KCNIP4: variants seen among roughly 807,000 people sequenced by gnomAD.
KCNIP4 encodes the protein Kv channel-interacting protein 4.
In KCNIP4, 12 loss-of-function variants were observed where a neutral mutation model predicts 34.0. The ratio of observed to expected loss-of-function variants is 0.35; its 90% CI spans 0.23 to 0.57. KCNIP4 has a LOEUF of 0.57. Ranked by LOEUF, KCNIP4 falls within the 20% of genes least tolerant of loss-of-function variation. The pLI is 0.83. For synonymous variants in KCNIP4, 124 were observed against 102.2 expected (o/e 1.21, Z -1.29); for missense variants, 238 against 311.7 (o/e 0.76, Z 1.78).
At chr4:21,380,600 A>G (rs1033529218) in intron 1 of KCNIP4, among the ~76,000 whole-genome samples, 2 of 152,170 alleles carry the variant, frequency 1.3e-5, no homozygotes, top group African/African-American at 4.8e-5. Context: ...GAATAAATCA[A>G]TGAAATGCTG....
chr4:21,910,321 C>T (rs1728232883), intron 1 of KCNIP4, among the ~76,000 whole-genome samples: 1 of 152,058 alleles, frequency 6.6e-6, no homozygotes, highest in Non-Finnish European at 1.5e-5. Context: ...AAATTTAAAA[C>T]ATTTTTCAAG....
At chr4:21,675,967 T>A (rs1252665383) in intron 1 of KCNIP4, among the ~76,000 whole-genome samples, 1 of 152,124 alleles carries the variant, frequency 6.6e-6, no homozygotes, top group Non-Finnish European at 1.5e-5. Context: ...AAGAACAGGG[T>A]CCTAGCTTGA....
At chr4:21,763,151 C>T in intron 1 of KCNIP4, 3 of 1,235,206 alleles carry the variant, frequency 2.4e-6, no homozygotes, top group Admixed American at 2.4e-5. Flanking sequence ...TGGTTGAATT[C>T]ACACAAACAA....
At chr4:21,495,178 G>C (rs1732755949) in intron 1 of KCNIP4, among the ~76,000 whole-genome samples, 1 of 149,970 alleles carries the variant, frequency 6.7e-6, no homozygotes, top group South Asian at 2.1e-4. Context: ...TTGTTGGCTG[G>C]CTGGATGTTA....
intron 1 of KCNIP4, among the ~76,000 whole-genome samples, chr4:21,531,278 C>A (rs536246320): frequency 2.6e-5 from 4 of 151,554 alleles, no homozygotes; most frequent in Admixed American, 2.6e-4. Flanking sequence ...CAGTGCCTTC[C>A]TTCCTTTCCT....
At chr4:21,830,905 C>T (rs949081880) in intron 1 of KCNIP4, among the ~76,000 whole-genome samples, 20 of 152,088 alleles carry the variant, frequency 1.3e-4, no homozygotes, top group East Asian at 5.8e-4. Context: ...TCATATGTTA[C>T]GTCCCAAAAG....
At chr4:21,462,665 C>G (rs1729560290) in intron 1 of KCNIP4, among the ~76,000 whole-genome samples, 1 of 151,826 alleles carries the variant, frequency 6.6e-6, no homozygotes, top group Non-Finnish European at 1.5e-5. Context: ...ATTTGTCTTT[C>G]TGTGTTAGGT....
intron 1 of KCNIP4, among the ~76,000 whole-genome samples, chr4:21,403,237 GC>G (rs1723689295): frequency 6.6e-6 from 1 of 152,098 alleles, no homozygotes; most frequent in South Asian, 2.1e-4. Flanking sequence ...ATCCTGGAAG[GC>G]CCCAAGGGCT....
intron 1 of KCNIP4, among the ~76,000 whole-genome samples, chr4:21,605,403 T>C (rs1165941200): frequency 1.3e-5 from 2 of 152,226 alleles, no homozygotes; most frequent in Non-Finnish European, 2.9e-5. Context: ...TGCTTCATTC[T>C]TGTGCCTTGC....
At chr4:21,107,697 A>G (rs909970593) in intron 1 of KCNIP4, among the ~76,000 whole-genome samples, 1 of 151,298 alleles carries the variant, frequency 6.6e-6, no homozygotes, top group Non-Finnish European at 1.5e-5. Flanking sequence ...CCTAGCCTCG[A>G]CGGTCTTTAC....
At chr4:20,785,332 T>G (rs548703893) in intron 3 of KCNIP4, among the ~76,000 whole-genome samples, 1 of 150,508 alleles carries the variant, frequency 6.6e-6, no homozygotes, top group Admixed American at 6.6e-5. Context: ...TTTTTTCTTT[T>G]TTTTTTTTTT....
chr4:21,918,076 TA>T (rs1210433656), intron 1 of KCNIP4, among the ~76,000 whole-genome samples: 1 of 152,182 alleles, frequency 6.6e-6, no homozygotes, highest in Non-Finnish European at 1.5e-5. Flanking sequence ...ACATGTTTGG[TA>T]AAATTGTGAC....
Position 21,632,697 on chromosome 4 carries a change from G to A in KCNIP4, c.61+315874C>T, listed in dbSNP as rs1001664116. On this transcript the variant is annotated intron_variant, in intron 1 of 8. Transcript: ENST00000382152. ...AACTCTATTCCAATGGAAGTAATAG[G>A]AGCTACAAACTTATGAGGGAAGCAG... is the stretch of plus-strand genomic sequence containing the variant. 7.2e-5 allele frequency among the ~76,000 whole-genome samples: 11 copies of A among 151,752 alleles called. 1 individual carries two copies. In the South Asian group the frequency reaches 2.1e-3, roughly 29 times the overall value.
At chr4:21,012,812 G>A (rs1329259460) in intron 1 of KCNIP4, among the ~76,000 whole-genome samples, 2 of 152,158 alleles carry the variant, frequency 1.3e-5, no homozygotes, top group Non-Finnish European at 2.9e-5. Flanking sequence ...TCTGTTCTAT[G>A]TTTCTCACAG....
At chr4:21,695,835 T>C (rs778462237) in intron 1 of KCNIP4, among the ~76,000 whole-genome samples, 6 of 152,132 alleles carry the variant, frequency 3.9e-5, no homozygotes, top group East Asian at 1.9e-4. Context: ...TCTAATTTCA[T>C]AGCAAGGTAA....
intron 1 of KCNIP4, among the ~76,000 whole-genome samples, chr4:21,926,734 A>G (rs28552103): frequency 0.14 from 20,757 of 152,142 alleles, 4,024 homozygotes; most frequent in African/African-American, 0.43. Flanking sequence ...CTCTTAGACT[A>G]CCTCTAAGAA....
intron 1 of KCNIP4, among the ~76,000 whole-genome samples, chr4:21,743,904 A>T (rs560463896): frequency 1.3e-5 from 2 of 151,270 alleles, no homozygotes; most frequent in Non-Finnish European, 2.9e-5. Context: ...AGGCATTGCC[A>T]TGGGACTTGA....
intron 1 of KCNIP4, among the ~76,000 whole-genome samples, chr4:21,128,918 T>C (rs1473995518): frequency 6.6e-6 from 1 of 152,204 alleles, no homozygotes; most frequent in Non-Finnish European, 1.5e-5. Flanking sequence ...CTTTTCCTGA[T>C]ATTTAAAATG....
chr4:21,094,754 A>G (rs942211341), intron 1 of KCNIP4, among the ~76,000 whole-genome samples: 2 of 152,200 alleles, frequency 1.3e-5, no homozygotes, highest in African/African-American at 4.8e-5. Context: ...CCACATTGTG[A>G]GGAAACTCAA....
Sources: allele counts gnomAD v4.1 joint callset (sites outside exome capture counted in the v4.1 genomes callset), GRCh38; gene constraint gnomAD v4.1.1; transcripts MANE v1.5; gene names NCBI Gene and HGNC (gene_info 2026-07-23, HGNC 2026-07-21).